CADM2: variants seen among roughly 807,000 people sequenced by gnomAD.
CADM2 encodes immunoglobulin superfamily member 4D.
CADM2 carries 12 observed loss-of-function variants against 49.8 expected under a neutral mutation model. The observed-to-expected ratio is 0.24, with a 90% CI of 0.15 to 0.39. The LOEUF (loss-of-function observed/expected upper bound fraction) is 0.39. Among genes scored for constraint, CADM2 ranks in the 10% least tolerant of loss-of-function variants. The probability of loss-of-function intolerance (pLI) is 1.00; values close to 1 mark genes in which losing one functional copy is unlikely to be tolerated. For synonymous variants in CADM2, 214 were observed against 175.4 expected, an observed-to-expected ratio of 1.22 and a Z score of -1.74; for missense variants, 378 against 492.3, an observed-to-expected ratio of 0.77 and a Z score of 2.20.
rs565114652 is a variant in CADM2, at chr3:85,926,448, A to G, written c.701-9319A>G. The stretch of plus-strand genomic sequence containing the variant: ...GAACCACTATTTTGAAGTAAAACAA[A>G]AGTGGCTTCACAATAGTGAGTTAGT... On this transcript the variant is annotated intron_variant, in intron 6 of 9. Coordinates refer to ENST00000383699, the MANE Select transcript of CADM2 (RefSeq NM_001167675.2). Among the ~76,000 whole-genome samples, 5 of 152,242 alleles carry G rather than the reference A, an allele frequency of 3.3e-5. No individual in the cohort carries two copies. In the South Asian group the frequency reaches 8.3e-4, roughly 25 times the overall value.
intron 1 of CADM2, among the ~76,000 whole-genome samples, chr3:85,549,884 G>A (rs1268821955): frequency 1.3e-5 from 2 of 150,662 alleles, no homozygotes; most frequent in East Asian, 2.0e-4. Context: ...TGCCCGCCTC[G>A]GCCTCCCACA....
At chr3:86,005,493 G>T (rs1249970968) in intron 8 of CADM2, among the ~76,000 whole-genome samples, 3 of 150,362 alleles carry the variant, frequency 2.0e-5, no homozygotes, top group African/African-American at 7.4e-5. Flanking sequence ...AGAGATTGCC[G>T]TGAGCCGAGA....
At chr3:84,967,672 T>G (rs2031104473) in intron 1 of CADM2, among the ~76,000 whole-genome samples, 1 of 152,038 alleles carries the variant, frequency 6.6e-6, no homozygotes, top group Non-Finnish European at 1.5e-5. Flanking sequence ...ACTTGAAAGA[T>G]CCATTAAAAT....
intron 1 of CADM2, among the ~76,000 whole-genome samples, chr3:85,420,005 A>G (rs1334613236): frequency 1.3e-5 from 2 of 152,176 alleles, no homozygotes; most frequent in Admixed American, 1.3e-4. Context: ...CAGTTTGAAA[A>G]ACCACATATT....
chr3:85,599,767 G>A (rs766351784), intron 1 of CADM2, among the ~76,000 whole-genome samples: 3 of 151,622 alleles, frequency 2.0e-5, no homozygotes, highest in African/African-American at 4.8e-5. Flanking sequence ...ATGTTCTAGA[G>A]AACAGCAAAA....
At chr3:85,390,647 C>T (rs1456426619) in intron 1 of CADM2, among the ~76,000 whole-genome samples, 1 of 151,990 alleles carries the variant, frequency 6.6e-6, no homozygotes. Flanking sequence ...TCTTGAAGAA[C>T]CAAAATTAAC....
At chr3:85,233,592 A>G (rs2042346827) in intron 1 of CADM2, among the ~76,000 whole-genome samples, 1 of 152,120 alleles carries the variant, frequency 6.6e-6, no homozygotes, top group Non-Finnish European at 1.5e-5. Flanking sequence ...ATTTAGACTC[A>G]CTTTTATAAC....
At chr3:85,203,834 TATC>T (rs2041567371) in intron 1 of CADM2, among the ~76,000 whole-genome samples, 1 of 152,226 alleles carries the variant, frequency 6.6e-6, no homozygotes. Context: ...CTTAAAGTAA[TATC>T]ATTCCTCCTA....
At chr3:85,895,776 C>G (rs949679023) in intron 5 of CADM2, among the ~76,000 whole-genome samples, 2 of 152,272 alleles carry the variant, frequency 1.3e-5, no homozygotes, top group South Asian at 4.1e-4. Context: ...CCCCTGCACA[C>G]TCTCTCTTGC....
At chr3:85,667,213 G>A (rs1327113714) in intron 1 of CADM2, among the ~76,000 whole-genome samples, 3 of 151,840 alleles carry the variant, frequency 2.0e-5, no homozygotes, top group South Asian at 2.1e-4. Context: ...TAGAAACATA[G>A]GAGGAAAACA....
intron 1 of CADM2, among the ~76,000 whole-genome samples, chr3:85,244,593 C>A (rs1381437404): frequency 6.6e-6 from 1 of 152,108 alleles, no homozygotes. Flanking sequence ...CATTATTTCT[C>A]ATTTTCCAAG....
intron 1 of CADM2, among the ~76,000 whole-genome samples, chr3:85,431,333 A>G (rs2036653705): frequency 6.6e-6 from 1 of 152,170 alleles, no homozygotes; most frequent in Non-Finnish European, 1.5e-5. Flanking sequence ...TGTAATTTAA[A>G]GGAATTTGAA....
intron 1 of CADM2, among the ~76,000 whole-genome samples, chr3:85,095,296 T>C (rs1182861875): frequency 1.3e-5 from 2 of 152,016 alleles, no homozygotes; most frequent in Non-Finnish European, 2.9e-5. Context: ...TGAGAGAAAA[T>C]GGTCTAAAGT....
At chr3:85,697,707 C>T (rs916452323) in intron 1 of CADM2, among the ~76,000 whole-genome samples, 3 of 152,112 alleles carry the variant, frequency 2.0e-5, no homozygotes, top group African/African-American at 7.2e-5. Context: ...ATGTGAAAAG[C>T]ATGTGGGAAG....
chr3:85,508,611 G>A (rs1227511173), intron 1 of CADM2, among the ~76,000 whole-genome samples: 1 of 152,156 alleles, frequency 6.6e-6, no homozygotes, highest in Non-Finnish European at 1.5e-5. Flanking sequence ...AATGCTTTCG[G>A]CTAGAAGATT....
At chr3:85,938,785 A>G (rs1212001531) in intron 7 of CADM2, among the ~76,000 whole-genome samples, 2 of 152,060 alleles carry the variant, frequency 1.3e-5, no homozygotes, top group South Asian at 2.1e-4. Context: ...ATAGCTTAGT[A>G]TAAGTAAGCA....
At chr3:85,462,879 A>G (rs1391619442) in intron 1 of CADM2, among the ~76,000 whole-genome samples, 1 of 152,126 alleles carries the variant, frequency 6.6e-6, no homozygotes, top group East Asian at 1.9e-4. Flanking sequence ...ATTACTGAAA[A>G]AAGGTCTCAG....
At chr3:85,393,565 A>C (rs1015925509) in intron 1 of CADM2, among the ~76,000 whole-genome samples, 3 of 152,166 alleles carry the variant, frequency 2.0e-5, no homozygotes, top group African/African-American at 7.2e-5. Context: ...TATACAGCCT[A>C]GGGAGAAAAA....
intron 1 of CADM2, among the ~76,000 whole-genome samples, chr3:84,983,258 A>G (rs989567336): frequency 2.0e-5 from 3 of 152,070 alleles, no homozygotes; most frequent in Non-Finnish European, 4.4e-5. Context: ...TTTGCATGAA[A>G]TATTTTGGAC....
Sources: gnomAD v4.1 joint callset for allele counts (sites outside exome capture counted in the v4.1 genomes callset) on GRCh38, gnomAD v4.1.1 for gene constraint, MANE v1.5 for transcripts, NCBI Gene and HGNC (gene_info 2026-07-23, HGNC 2026-07-21) for gene names.